Variants in CNTNAP5 observed in about 807,000 individuals in gnomAD.
CNTNAP5 encodes contactin-associated protein-like 5.
Under a neutral mutation model 150.2 loss-of-function variants are expected in CNTNAP5, and 72 were observed. The ratio of observed to expected loss-of-function variants is 0.48; its 90% CI spans 0.40 to 0.58. The LOEUF (loss-of-function observed/expected upper bound fraction) is 0.58. Ranked by LOEUF, CNTNAP5 falls within the 20% of genes least tolerant of loss-of-function variation. The probability of loss-of-function intolerance (pLI) is 0.00; values close to 1 mark genes in which losing one functional copy is unlikely to be tolerated. For missense variants in CNTNAP5, 1,636 were observed against 1,626.2 expected, an observed-to-expected ratio of 1.01 and a Z score of -0.10; for synonymous variants, 672 against 619.8, an observed-to-expected ratio of 1.08 and a Z score of -1.25.
At chr2:124,279,558 T>C (rs1687964307) in intron 3 of CNTNAP5, among the ~76,000 whole-genome samples, 1 of 151,854 alleles carries the variant, frequency 6.6e-6, no homozygotes. Context: ...GAAGGACATT[T>C]ATTTCTATTT....
chr2:124,334,034 A>C (rs1266061214), intron 3 of CNTNAP5, among the ~76,000 whole-genome samples: 2 of 152,112 alleles, frequency 1.3e-5, no homozygotes, highest in South Asian at 2.1e-4. Flanking sequence ...AAAAGATCAC[A>C]CAGCTGACTG....
At chr2:124,600,731 CAGAGAG>C (rs374118230) in intron 11 of CNTNAP5, among the ~76,000 whole-genome samples, 2,117 of 124,114 alleles carry the variant, frequency 0.017, 31 homozygotes, top group African/African-American at 0.044. Flanking sequence ...CAACAATACT[CAGAGAG>C]AGAGAGAGAG....
chr2:124,260,979 A>G (rs1230135265), intron 3 of CNTNAP5, among the ~76,000 whole-genome samples: 1 of 152,190 alleles, frequency 6.6e-6, no homozygotes. Flanking sequence ...TTTTAAAAGC[A>G]TCTTGAGAGA....
chr2:124,740,157 A>G (rs1316600589), intron 13 of CNTNAP5, among the ~76,000 whole-genome samples: 1 of 151,486 alleles, frequency 6.6e-6, no homozygotes, highest in Admixed American at 6.6e-5. Context: ...ATATAATTAT[A>G]TATGTGTGTA....
chr2:124,038,979 T>C (rs1681295294), intron 1 of CNTNAP5, among the ~76,000 whole-genome samples: 1 of 152,176 alleles, frequency 6.6e-6, no homozygotes, highest in African/African-American at 2.4e-5. Context: ...GGCTGGGAAA[T>C]ACTTCAAATA....
intron 3 of CNTNAP5, among the ~76,000 whole-genome samples, chr2:124,416,544 G>C (rs1044315886): frequency 1.3e-5 from 2 of 152,108 alleles, no homozygotes; most frequent in Admixed American, 1.3e-4. Flanking sequence ...AATCTGAGTT[G>C]CATTGTCTCC....
Position 124,750,982 on chromosome 2 carries a change from C to CAA in CNTNAP5, c.2234+3619_2234+3620dup, listed in dbSNP as rs745635606. Among the ~76,000 whole-genome samples the CAA allele has an allele frequency of 7.2e-3, 540 of 74,798 alleles. 5 individuals are homozygous for CAA. The highest frequency in any genetic ancestry group is 0.012 in the African/African-American group (224 of 18,236). The allele number at this position is 74,798 out of a possible 152,430, so 49.1% of individuals were successfully genotyped here. A position where few individuals can be genotyped will look rare whatever the true frequency, so the allele number is the denominator to read the frequency against. On this transcript the variant is annotated intron_variant, in intron 14 of 23. Transcript: ENST00000682447. Reference sequence around the variant, plus strand: ...CTAGTGACAGATTGAGACTCCATCTCAAAAAAAAAAAAAAAAAAAAAAAGT... The same window carrying CAA: ...CTAGTGACAGATTGAGACTCCATCTCAAAAAAAAAAAAAAAAAAAAAAAAAGT...
intron 4 of CNTNAP5, 71 bp from the exon 5 acceptor site, chr2:124,434,413 G>A: frequency 8.6e-7 from 1 of 1,168,486 alleles, no homozygotes; most frequent in South Asian, 1.3e-5. Flanking sequence ...CATGAAATAA[G>A]ATGGGAAACA....
chr2:124,258,967 A>C, intron 3 of CNTNAP5, among the ~76,000 whole-genome samples: 1 of 151,048 alleles, frequency 6.6e-6, no homozygotes. Flanking sequence ...TTAACTCCTC[A>C]ATTAACATTA....
At chr2:124,149,938 G>C (rs1419101806) in intron 1 of CNTNAP5, among the ~76,000 whole-genome samples, 3 of 152,110 alleles carry the variant, frequency 2.0e-5, no homozygotes. Flanking sequence ...TTCACCTTCT[G>C]GCCAACACTG....
At chr2:124,306,478 A>T (rs1015969544) in intron 3 of CNTNAP5, among the ~76,000 whole-genome samples, 1 of 152,184 alleles carries the variant, frequency 6.6e-6, no homozygotes, top group Non-Finnish European at 1.5e-5. Flanking sequence ...TCTGGCCAGG[A>T]ATATGACCTA....
intron 13 of CNTNAP5, among the ~76,000 whole-genome samples, chr2:124,670,175 T>TTCCTTCCTTCCTTCCTTCCTC (rs1678787920): frequency 7.3e-6 from 1 of 136,396 alleles, no homozygotes. Context: ...CTTCCTTCCT[T>TTCCTTCCTTCCTTCCTTCCTC]CCTCCCTCTC....
intron 3 of CNTNAP5, among the ~76,000 whole-genome samples, chr2:124,311,319 T>C (rs559669876): frequency 6.6e-6 from 1 of 152,246 alleles, no homozygotes; most frequent in Admixed American, 6.5e-5. Context: ...GCTGGTTTGG[T>C]TTCGAGTGAG....
chr2:124,692,746 C>T (rs1021817786), intron 13 of CNTNAP5, among the ~76,000 whole-genome samples: 5 of 152,052 alleles, frequency 3.3e-5, no homozygotes, highest in African/African-American at 1.2e-4. Flanking sequence ...AAAACATATT[C>T]CCCAATTATA....
chr2:124,803,124 A>C (rs1164942650), intron 19 of CNTNAP5, among the ~76,000 whole-genome samples: 1 of 151,958 alleles, frequency 6.6e-6, no homozygotes, highest in Admixed American at 6.6e-5. Context: ...AAAAAAAAAA[A>C]AAAGAAGTCT....
intron 7 of CNTNAP5, among the ~76,000 whole-genome samples, chr2:124,478,306 G>A (rs1209373882): frequency 6.6e-6 from 1 of 151,922 alleles, no homozygotes; most frequent in African/African-American, 2.4e-5. Context: ...TACTCCTTGG[G>A]GTTTAATTGG....
chr2:124,315,633 G>C (rs1030230622), intron 3 of CNTNAP5, among the ~76,000 whole-genome samples: 1 of 152,114 alleles, frequency 6.6e-6, no homozygotes, highest in Admixed American at 6.5e-5. Flanking sequence ...TGTTGATCTT[G>C]TTCAACTTCT....
chr2:124,448,040 C>T (rs1463777716), intron 6 of CNTNAP5, among the ~76,000 whole-genome samples: 1 of 151,874 alleles, frequency 6.6e-6, no homozygotes, highest in East Asian at 1.9e-4. Flanking sequence ...AAACTGAGAC[C>T]AGCAGATCAC....
At chr2:124,730,335 A>G (rs1395814927) in intron 13 of CNTNAP5, among the ~76,000 whole-genome samples, 1 of 151,332 alleles carries the variant, frequency 6.6e-6, no homozygotes, top group Non-Finnish European at 1.5e-5. Context: ...GTGTGTGTGG[A>G]CATGTGTACA....
Sources: allele counts gnomAD v4.1 joint callset (sites outside exome capture counted in the v4.1 genomes callset), GRCh38; gene constraint gnomAD v4.1.1; transcripts MANE v1.5; gene names NCBI Gene and HGNC (gene_info 2026-07-23, HGNC 2026-07-21).